KATNIP: variants seen among roughly 807,000 people sequenced by gnomAD.
KATNIP encodes the protein katanin-interacting protein.
A neutral mutation model predicts 174.0 loss-of-function variants in KATNIP; 126 were observed. The observed-to-expected ratio is 0.72, with a 90% CI of 0.63 to 0.84. The LOEUF (loss-of-function observed/expected upper bound fraction) is 0.84. Among genes scored for constraint, KATNIP ranks in the 40% least tolerant of loss-of-function variants. The pLI, the probability that KATNIP is intolerant of heterozygous loss-of-function variation, is 0.00. For missense variants in KATNIP, 1,958 were observed against 2,109.7 expected (o/e 0.93, Z 1.41); for synonymous variants, 810 against 835.7 (o/e 0.97, Z 0.53).
chr16:27,613,548 T>A (rs2075957572), intron 2 of KATNIP, among the ~76,000 whole-genome samples: 1 of 151,962 alleles, frequency 6.6e-6, no homozygotes, highest in African/African-American at 2.4e-5. Context: ...TAACGGTCAT[T>A]TTAATGTTTC....
chr16:27,613,122 A>G (rs560078107), intron 2 of KATNIP, among the ~76,000 whole-genome samples: 5 of 152,104 alleles, frequency 3.3e-5, no homozygotes, highest in African/African-American at 9.6e-5. Flanking sequence ...GAAAAAAGAA[A>G]AAAATTAGCC....
chr16:27,599,856 A>G (rs2075457837), intron 2 of KATNIP, among the ~76,000 whole-genome samples: 1 of 152,190 alleles, frequency 6.6e-6, no homozygotes, highest in South Asian at 2.1e-4. Context: ...TCTCTGTCCC[A>G]CGTGCCTGCC....
At chr16:27,633,325 C>T (rs2076545127) in intron 5 of KATNIP, among the ~76,000 whole-genome samples, 1 of 151,888 alleles carries the variant, frequency 6.6e-6, no homozygotes, top group South Asian at 2.1e-4. Context: ...GAGATTCTGA[C>T]TTGCTGAGGC....
intron 15 of KATNIP, among the ~76,000 whole-genome samples, chr16:27,742,888 G>A: frequency 6.6e-6 from 1 of 151,908 alleles, no homozygotes; most frequent in East Asian, 1.9e-4. Context: ...TACACGTGCA[G>A]GATGTGCAGG....
At chr16:27,642,569 C>A (rs1483616737) in intron 5 of KATNIP, among the ~76,000 whole-genome samples, 2 of 152,070 alleles carry the variant, frequency 1.3e-5, no homozygotes, top group African/African-American at 4.8e-5. Flanking sequence ...GTTATATGTT[C>A]CGGGTAGTGC....
At chr16:27,751,999 G>A (rs2081540763) in intron 17 of KATNIP, 75 bp downstream of exon 17, 1 of 1,189,014 alleles carries the variant, frequency 8.4e-7, no homozygotes. Context: ...AGAGCAGGGA[G>A]AATTAAGATG....
chr16:27,731,353 G>A (rs1045236409), intron 14 of KATNIP, among the ~76,000 whole-genome samples: 1 of 152,140 alleles, frequency 6.6e-6, no homozygotes, highest in Admixed American at 6.6e-5. Context: ...AGCCTCGACG[G>A]GTCTATATAC....
At position 27,550,289 on chromosome 16, in the gene KATNIP, C is replaced by T. The variant is rs868361733; in HGVS notation, c.7+112C>T. Reference sequence around the variant, plus strand: ...AACCCCTGGACCACCACTTCCTGACCCAAGGGGGTCTCCGAAATGAGGGAT... The same window carrying T: ...AACCCCTGGACCACCACTTCCTGACTCAAGGGGGTCTCCGAAATGAGGGAT... On this transcript the variant is annotated intron_variant, in intron 1 of 27. Coordinates refer to ENST00000261588, the MANE Select transcript of KATNIP (RefSeq NM_015202.5). The T allele has an allele frequency of 5.2e-5, 64 of 1,226,718 alleles. No individual in the cohort carries two copies. The Middle Eastern group carries it at 7.8e-4, about 15-fold the overall frequency. The allele number at this position is 1,226,718 out of a possible 1,614,324, so 76.0% of individuals were successfully genotyped here.
chr16:27,642,192 C>T (rs1296806031), intron 5 of KATNIP, among the ~76,000 whole-genome samples: 4 of 152,298 alleles, frequency 2.6e-5, no homozygotes, highest in African/African-American at 9.6e-5. Flanking sequence ...GAATACTATG[C>T]AGCCATAAAA....
At chr16:27,593,340 G>A (rs2075242543) in intron 2 of KATNIP, among the ~76,000 whole-genome samples, 2 of 150,352 alleles carry the variant, frequency 1.3e-5, no homozygotes, top group African/African-American at 4.9e-5. Flanking sequence ...CCGGGTTCAA[G>A]CAACTCTTCT....
intron 22 of KATNIP, 47 bp from the exon 23 acceptor site, chr16:27,773,052 C>T: frequency 6.3e-6 from 7 of 1,109,736 alleles, no homozygotes; most frequent in Non-Finnish European, 9.2e-6. Flanking sequence ...TTACTATATT[C>T]TGAAAAAAAA....
intron 14 of KATNIP, among the ~76,000 whole-genome samples, chr16:27,729,170 G>A (rs1597315988): frequency 6.6e-6 from 1 of 152,174 alleles, no homozygotes. Context: ...GCTGGCTTTA[G>A]GTATGGTGGC....
At chr16:27,566,755 T>C (rs1287221695) in intron 1 of KATNIP, among the ~76,000 whole-genome samples, 1 of 152,162 alleles carries the variant, frequency 6.6e-6, no homozygotes, top group Non-Finnish European at 1.5e-5. Flanking sequence ...CCATGCGGCT[T>C]TGTCATTGCA....
intron 1 of KATNIP, among the ~76,000 whole-genome samples, chr16:27,565,368 A>T (rs1299202447): frequency 6.6e-6 from 1 of 150,588 alleles, no homozygotes; most frequent in African/African-American, 2.4e-5. Flanking sequence ...TGGGAGGCTG[A>T]GGTGGGAGAA....
In KATNIP at chr16:27,628,801, G is replaced by A. The variant is rs762897830; in HGVS notation, c.281G>A (p.Arg94Lys). 1.4e-5 allele frequency: 22 copies of A among 1,614,090 alleles called. No individual in the cohort carries two copies. The East Asian group carries it at 4.5e-4, about 33-fold the overall frequency. Residue 94 changes from arginine (R) to lysine (K), a missense_variant, in exon 4 of 28, where the codon AGA becomes AAA. Around this residue, in one of 3 missense-constraint regions of KATNIP, gnomAD observed 1,557 missense variants for 1,617.8 expected, o/e 0.96. Coordinates refer to ENST00000261588, the MANE Select transcript of KATNIP (RefSeq NM_015202.5). ...PRKAIHSDFSRSASHTEGTHD... is the reference protein window; with the variant it reads ...PRKAIHSDFSKSASHTEGTHD... Reference sequence around the variant, plus strand: ...AAAGCTATTCACTCTGACTTCTCCAGAAGTGCCTCCCACACGGAGGGGACA... The same window carrying A: ...AAAGCTATTCACTCTGACTTCTCCAAAAGTGCCTCCCACACGGAGGGGACA...
intron 8 of KATNIP, among the ~76,000 whole-genome samples, chr16:27,687,901 A>G (rs2078580769): frequency 6.6e-6 from 1 of 152,212 alleles, no homozygotes; most frequent in Non-Finnish European, 1.5e-5. Flanking sequence ...CTCTTAATAT[A>G]TTAGCCAGCG....
chr16:27,679,525 C>T (rs765441251), intron 7 of KATNIP, among the ~76,000 whole-genome samples: 1 of 151,912 alleles, frequency 6.6e-6, no homozygotes, highest in Non-Finnish European at 1.5e-5. Flanking sequence ...GCAGCCAAGG[C>T]GGGAGGATCA....
At chr16:27,704,134 CCT>C in intron 12 of KATNIP, 136 bp downstream of exon 12, 1 of 677,434 alleles carries the variant, frequency 1.5e-6, no homozygotes, top group South Asian at 1.8e-5. Context: ...CCCCCCCCTC[CCT>C]GGCACACAGA....
chr16:27,683,277 C>T (rs2078412184), intron 8 of KATNIP, among the ~76,000 whole-genome samples: 1 of 152,232 alleles, frequency 6.6e-6, no homozygotes, highest in Non-Finnish European at 1.5e-5. Context: ...CTGTGGCTAA[C>T]TGGAGCCTGC....
Sources: gnomAD v4.1 joint callset for allele counts (sites outside exome capture counted in the v4.1 genomes callset) on GRCh38, gnomAD v4.1.1 for gene constraint, gnomAD v4.1.1 regional missense constraint, MANE v1.5 for transcripts, NCBI Gene and HGNC (gene_info 2026-07-23, HGNC 2026-07-21) for gene names.